PLA2G4A: variants seen among roughly 807,000 people sequenced by gnomAD.
The protein encoded by PLA2G4A is phospholipase A2 group IVA, also known as cytosolic phospholipase A2.
In PLA2G4A, 40 loss-of-function variants were observed where a neutral mutation model predicts 81.9. The ratio of observed to expected loss-of-function variants is 0.49; its 90% CI spans 0.38 to 0.64. The LOEUF (loss-of-function observed/expected upper bound fraction) is 0.64. Among genes scored for constraint, PLA2G4A ranks in the 30% least tolerant of loss-of-function variants. PLA2G4A has a pLI of 0.00. For synonymous variants in PLA2G4A, 302 were observed against 296.9 expected (o/e 1.02, Z -0.18); for missense variants, 715 against 905.1 (o/e 0.79, Z 2.69).
At chr1:186,970,565 T>C (rs1391674024) in intron 15 of PLA2G4A, among the ~76,000 whole-genome samples, 1 of 152,036 alleles carries the variant, frequency 6.6e-6, no homozygotes, top group Non-Finnish European at 1.5e-5. Flanking sequence ...CTTTAATTGA[T>C]TTTGATTTGA....
chr1:186,874,525 T>TTTTAAGTGATTAAATACCAC (rs1324011420), intron 3 of PLA2G4A, among the ~76,000 whole-genome samples: 3 of 152,058 alleles, frequency 2.0e-5, no homozygotes, highest in Admixed American at 6.6e-5. Flanking sequence ...CACAGAATAT[T>TTTTAAGTGATTAAATACCAC]AGAGTTTTAG....
chr1:186,832,451 G>C (rs1317349664), intron 1 of PLA2G4A, among the ~76,000 whole-genome samples: 4 of 152,020 alleles, frequency 2.6e-5, no homozygotes, highest in Non-Finnish European at 5.9e-5. Context: ...CTCATGGAAT[G>C]CTAGTGATTA....
In PLA2G4A at chr1:186,832,756, G is replaced by A. The variant is rs140005429; in HGVS notation, c.-70+3721G>A. Among the ~76,000 whole-genome samples, 28 of 152,040 alleles carry A rather than the reference G, an allele frequency of 1.8e-4. No individual in the cohort carries two copies. The East Asian group carries it at 4.1e-3, about 22-fold the overall frequency. On this transcript the variant is annotated intron_variant, in intron 1 of 17. Coordinates refer to ENST00000367466, the MANE Select transcript of PLA2G4A (RefSeq NM_024420.3). ...AATTTCAAATATGATAGATATTAAC[G>A]GATATAACTTACATAATCATAGCAC...
chr1:186,945,066 G>C (rs1022342092), intron 10 of PLA2G4A, among the ~76,000 whole-genome samples: 1 of 152,082 alleles, frequency 6.6e-6, no homozygotes, highest in Admixed American at 6.6e-5. Flanking sequence ...AAAATGAAGT[G>C]GGTTAGAGAA....
chr1:186,911,516 A>G (rs1654942340), intron 7 of PLA2G4A, 127 bp downstream of exon 7: 1 of 745,292 alleles, frequency 1.3e-6, no homozygotes, highest in Admixed American at 2.0e-5. Context: ...TTTTTAAGGT[A>G]AGGTAAGTGA....
At chr1:186,880,767 A>G (rs556890993) in intron 3 of PLA2G4A, among the ~76,000 whole-genome samples, 1 of 152,170 alleles carries the variant, frequency 6.6e-6, no homozygotes, top group South Asian at 2.1e-4. Context: ...TTTCTATTCA[A>G]TCTAGAAAGA....
intron 3 of PLA2G4A, among the ~76,000 whole-genome samples, chr1:186,882,880 T>A (rs1488908863): frequency 2.0e-5 from 3 of 152,102 alleles, no homozygotes; most frequent in Non-Finnish European, 4.4e-5. Flanking sequence ...GATTGGATAT[T>A]TGAATCGTGA....
chr1:186,838,875 C>T (rs1391321917), intron 1 of PLA2G4A, among the ~76,000 whole-genome samples: 1 of 152,140 alleles, frequency 6.6e-6, no homozygotes, highest in African/African-American at 2.4e-5. Context: ...AAAAAAGGAT[C>T]TTTCACAGCC....
chr1:186,894,281 T>C (rs1450352854), intron 5 of PLA2G4A, 70 bp downstream of exon 5: 4 of 760,298 alleles, frequency 5.3e-6, no homozygotes, highest in Non-Finnish European at 9.7e-6. Context: ...GGAAGTTGGG[T>C]TTAACACTTG....
chr1:186,899,295 G>A (rs1202658856), intron 5 of PLA2G4A, among the ~76,000 whole-genome samples: 1 of 152,146 alleles, frequency 6.6e-6, no homozygotes, highest in East Asian at 1.9e-4. Context: ...GGAGAGTGTG[G>A]CTGGAGCACA....
chr1:186,931,562 T>A (rs1249432903), intron 7 of PLA2G4A, among the ~76,000 whole-genome samples: 1 of 149,786 alleles, frequency 6.7e-6, no homozygotes, highest in Non-Finnish European at 1.5e-5. Context: ...ATTATTACAC[T>A]GCCTATATAC....
Position 186,939,149 on chromosome 1 carries a change from A to G in PLA2G4A, c.837A>G (p.Leu279=). 6.2e-7 allele frequency: 1 copy of G among 1,610,460 alleles called. No individual in the cohort carries two copies. Among genetic ancestry groups the G allele is most frequent in the Non-Finnish European group, 8.5e-7 (1 of 1,176,796 alleles). Residue 279 remains leucine, a synonymous_variant, in exon 9 of 18, where the codon TTA becomes TTG. Coordinates refer to ENST00000367466, the MANE Select transcript of PLA2G4A (RefSeq NM_024420.3). ...PQKVKRYVES[L]WKKKSSGQPV... is the part of the protein sequence containing the mutation. Reference sequence around the variant, plus strand: ...AAGTTAAAAGATATGTTGAGTCTTTATGGAAGAAGAAAAGCTCTGGACAAC... The same window carrying G: ...AAGTTAAAAGATATGTTGAGTCTTTGTGGAAGAAGAAAAGCTCTGGACAAC...
intron 1 of PLA2G4A, among the ~76,000 whole-genome samples, chr1:186,851,973 G>GTATTACCCTC (rs1652389376): frequency 2.0e-5 from 3 of 151,676 alleles, no homozygotes; most frequent in African/African-American, 7.3e-5. Context: ...GAGGGATGAG[G>GTATTACCCTC]GTAATACAAC....
intron 13 of PLA2G4A, among the ~76,000 whole-genome samples, chr1:186,952,455 A>G (rs1656592875): frequency 6.6e-6 from 1 of 152,146 alleles, no homozygotes; most frequent in Non-Finnish European, 1.5e-5. Flanking sequence ...CAAAGTACAG[A>G]GTTCCCATAT....
intron 1 of PLA2G4A, among the ~76,000 whole-genome samples, chr1:186,843,456 T>C (rs1488707783): frequency 1.3e-5 from 2 of 152,300 alleles, no homozygotes; most frequent in East Asian, 3.9e-4. Flanking sequence ...TCAATAGTAA[T>C]TGAATTATCA....
chr1:186,855,107 G>T (rs1478826239), intron 2 of PLA2G4A, among the ~76,000 whole-genome samples: 2 of 151,728 alleles, frequency 1.3e-5, no homozygotes, highest in African/African-American at 4.8e-5. Context: ...GCCCTCCTTG[G>T]ATGAAAAGTT....
intron 3 of PLA2G4A, among the ~76,000 whole-genome samples, chr1:186,892,026 G>C (rs1002325016): frequency 1.3e-5 from 2 of 151,960 alleles, no homozygotes; most frequent in South Asian, 4.1e-4. Context: ...TTTGATTTGC[G>C]TTTCTCTTAT....
intron 15 of PLA2G4A, among the ~76,000 whole-genome samples, chr1:186,966,226 G>A (rs1657125899): frequency 6.6e-6 from 1 of 152,004 alleles, no homozygotes; most frequent in Non-Finnish European, 1.5e-5. Context: ...GTGTGTGGGT[G>A]GTTGGGGGTG....
intron 7 of PLA2G4A, among the ~76,000 whole-genome samples, chr1:186,922,630 G>A (rs897843980): frequency 6.6e-6 from 1 of 152,150 alleles, no homozygotes; most frequent in Admixed American, 6.5e-5. Context: ...GAGCTGCCTC[G>A]ACCGTCTGTT....
Sources: allele counts gnomAD v4.1 joint callset (sites outside exome capture counted in the v4.1 genomes callset), GRCh38; gene constraint gnomAD v4.1.1; transcripts MANE v1.5; gene names NCBI Gene and HGNC (gene_info 2026-07-23, HGNC 2026-07-21).